Variants in PAM observed in about 807,000 individuals in gnomAD.
PAM encodes peptidyl-glycine alpha-amidating monooxygenase.
Under a neutral mutation model 122.1 loss-of-function variants are expected in PAM, and 72 were observed. The ratio of observed to expected loss-of-function variants is 0.59; its 90% CI spans 0.49 to 0.72. The LOEUF (loss-of-function observed/expected upper bound fraction) is 0.72. PAM is among the 30% of genes least tolerant of loss of function. PAM has a pLI of 0.00. For synonymous variants in PAM, 389 were observed against 404.4 expected, an observed-to-expected ratio of 0.96 and a Z score of 0.46; for missense variants, 1,106 against 1,183.7, an observed-to-expected ratio of 0.93 and a Z score of 0.96.
chr5:102,950,047 A>T, intron 11 of PAM, 69 bp downstream of exon 11: 1 of 819,928 alleles, frequency 1.2e-6, no homozygotes, highest in Non-Finnish European at 2.1e-6. Context: ...TTTAAAAATT[A>T]TTATGCAACT....
At chr5:102,812,909 C>T (rs115474936) in intron 1 of PAM, among the ~76,000 whole-genome samples, 2,102 of 151,828 alleles carry the variant, frequency 0.014, 53 homozygotes, top group African/African-American at 0.048. Context: ...TTTCTTTTAT[C>T]TATCAATAGT....
chr5:102,759,810 A>T (rs1349920369), intron 1 of PAM, among the ~76,000 whole-genome samples: 1 of 152,238 alleles, frequency 6.6e-6, no homozygotes, highest in African/African-American at 2.4e-5. Flanking sequence ...ACAGTGGGTG[A>T]CATTGAAGAC....
At chr5:102,908,104 A>G (rs1431020110) in intron 4 of PAM, among the ~76,000 whole-genome samples, 2 of 152,022 alleles carry the variant, frequency 1.3e-5, no homozygotes, top group Admixed American at 1.3e-4. Flanking sequence ...TTATGGTTTT[A>G]GGTCTAACAT....
In PAM at chr5:102,925,018, G is replaced by C; in HGVS notation, c.418G>C (p.Ala140Pro). The C allele has an allele frequency of 3.8e-6, 6 of 1,584,300 alleles. No homozygotes were observed. Among genetic ancestry groups the C allele is most frequent in the Non-Finnish European group, 5.2e-6 (6 of 1,152,740 alleles). ...TATTCTGTATGCCTGGGCGAGAAATGCTCCCCCTACCCGGCTCCCCAAAGG... is the reference window on the plus strand; with the variant it reads ...TATTCTGTATGCCTGGGCGAGAAATCCTCCCCCTACCCGGCTCCCCAAAGG... The part of the protein sequence containing the change: ...ANILYAWARN[A>P]PPTRLPKGVG... The change falls in exon 6 of 26, where the codon GCT (alanine) becomes CCT (proline). Residue 140 changes from alanine to proline, a missense_variant. This residue lies in a region of PAM where 670 missense variants were observed against 690.3 expected (regional missense o/e 0.97). Transcript: ENST00000438793.
intron 3 of PAM, among the ~76,000 whole-genome samples, chr5:102,870,629 T>G (rs1273378559): frequency 6.6e-6 from 1 of 152,226 alleles, no homozygotes. Flanking sequence ...TTCTCTGACT[T>G]AAAAAATTTG....
intron 1 of PAM, among the ~76,000 whole-genome samples, chr5:102,855,984 G>A (rs1782525504): frequency 6.6e-6 from 1 of 151,996 alleles, no homozygotes; most frequent in Admixed American, 6.6e-5. Flanking sequence ...GTCAATCTAT[G>A]ATTCACACTT....
At chr5:102,886,189 G>A (rs1161410545) in intron 3 of PAM, among the ~76,000 whole-genome samples, 1 of 151,970 alleles carries the variant, frequency 6.6e-6, no homozygotes, top group Non-Finnish European at 1.5e-5. Context: ...GTGATTTGCT[G>A]TCCTGTTTAC....
intron 1 of PAM, among the ~76,000 whole-genome samples, chr5:102,860,958 C>T (rs1259399260): frequency 6.6e-6 from 1 of 152,092 alleles, no homozygotes; most frequent in Non-Finnish European, 1.5e-5. Flanking sequence ...GTATAGCCAG[C>T]AGGATGTTAG....
intron 3 of PAM, among the ~76,000 whole-genome samples, chr5:102,899,281 G>T (rs1170186172): frequency 6.6e-6 from 1 of 151,556 alleles, no homozygotes; most frequent in Admixed American, 6.6e-5. Flanking sequence ...TGGATCTGAT[G>T]AATTATAAGT....
intron 14 of PAM, among the ~76,000 whole-genome samples, chr5:102,964,376 A>T (rs1384900481): frequency 1.3e-5 from 2 of 151,868 alleles, no homozygotes; most frequent in African/African-American, 4.8e-5. Context: ...ATCTTTGTCT[A>T]CATCTGCTCT....
intron 1 of PAM, among the ~76,000 whole-genome samples, chr5:102,821,546 T>A (rs1771906186): frequency 6.6e-6 from 1 of 152,230 alleles, no homozygotes; most frequent in South Asian, 2.1e-4. Context: ...ATACATATAA[T>A]ATGGATCTCC....
intron 3 of PAM, among the ~76,000 whole-genome samples, chr5:102,900,747 C>G (rs1378204522): frequency 6.6e-6 from 1 of 151,490 alleles, no homozygotes; most frequent in African/African-American, 2.4e-5. Flanking sequence ...TAATTTTTAT[C>G]ACTAAAATTT....
At chr5:102,823,364 T>C (rs949001405) in intron 1 of PAM, among the ~76,000 whole-genome samples, 1 of 152,130 alleles carries the variant, frequency 6.6e-6, no homozygotes, top group Non-Finnish European at 1.5e-5. Context: ...GGAAGAACTT[T>C]TAAAAAAATA....
intron 1 of PAM, among the ~76,000 whole-genome samples, chr5:102,790,834 A>C (rs1761864350): frequency 1.3e-5 from 2 of 152,042 alleles, no homozygotes; most frequent in Non-Finnish European, 2.9e-5. Flanking sequence ...TGTCAAATGC[A>C]AAAAAACATA....
chr5:103,005,055 T>C, intron 17 of PAM, 99 bp from the exon 18 acceptor site: 1 of 700,626 alleles, frequency 1.4e-6, no homozygotes, highest in Non-Finnish European at 2.6e-6. Flanking sequence ...TTTATCAATT[T>C]ATAACTTTGC....
intron 3 of PAM, among the ~76,000 whole-genome samples, chr5:102,876,735 G>T (rs1789331971): frequency 6.6e-6 from 1 of 152,224 alleles, no homozygotes; most frequent in Non-Finnish European, 1.5e-5. Context: ...AAACCCGATG[G>T]GGCCAGCTGT....
rs116217791 is a variant in PAM at position 102,759,151 on chromosome 5, A to C, written c.-374+3803A>C. 3.8e-3 allele frequency among the ~76,000 whole-genome samples: 581 copies of C among 152,322 alleles called. 4 individuals carry two copies. Among genetic ancestry groups the C allele is most frequent in the African/African-American group, 0.013 (559 of 41,582 alleles). ...AAAAAATTATAATGCCATATGATTC[A>C]TGCCATGATAAGGGTAGTGAAGAGA... On this transcript the variant is annotated intron_variant, in intron 1 of 25. Coordinates refer to ENST00000438793, the MANE Select transcript of PAM (RefSeq NM_001177306.2).
intron 1 of PAM, among the ~76,000 whole-genome samples, chr5:102,787,427 G>C (rs1259697618): frequency 1.3e-5 from 2 of 151,986 alleles, no homozygotes; most frequent in Non-Finnish European, 2.9e-5. Flanking sequence ...TATGGGGACA[G>C]ATCTGTCCCA....
intron 1 of PAM, among the ~76,000 whole-genome samples, chr5:102,789,613 C>G (rs746061211): frequency 6.6e-6 from 1 of 152,020 alleles, no homozygotes; most frequent in Non-Finnish European, 1.5e-5. Context: ...AGATAGAATG[C>G]TAGTTGCTCG....
Sources: gnomAD v4.1 joint callset for allele counts (sites outside exome capture counted in the v4.1 genomes callset) on GRCh38, gnomAD v4.1.1 for gene constraint, gnomAD v4.1.1 regional missense constraint, MANE v1.5 for transcripts, NCBI Gene and HGNC (gene_info 2026-07-23, HGNC 2026-07-21) for gene names.